PREP: variants seen among roughly 807,000 people sequenced by gnomAD.
PREP encodes prolyl endopeptidase.
PREP carries 29 observed loss-of-function variants against 87.6 expected under a neutral mutation model. The ratio of observed to expected loss-of-function variants is 0.33; its 90% confidence interval spans 0.25 to 0.45. PREP has a LOEUF of 0.45. Ranked by LOEUF, PREP falls within the 20% of genes least tolerant of loss-of-function variation. The pLI, the probability that PREP is intolerant of heterozygous loss-of-function variation, is 1.00. For missense variants in PREP, 695 were observed against 886.5 expected, an observed-to-expected ratio of 0.78 and a Z score of 2.74; for synonymous variants, 337 against 328.6, an observed-to-expected ratio of 1.03 and a Z score of -0.28.
chr6:105,329,660 G>A (rs1390710625), intron 8 of PREP, among the ~76,000 whole-genome samples: 2 of 152,134 alleles, frequency 1.3e-5, no homozygotes, highest in Non-Finnish European at 2.9e-5. Context: ...GCCAAATCAC[G>A]GTTCATGTCT....
rs77593223 is a variant in PREP, at chr6:105,389,628, A to C, written c.120+8225T>G. On this transcript the variant is annotated intron_variant, in intron 2 of 14. Coordinates refer to ENST00000652536, the MANE Select transcript of PREP (RefSeq NM_002726.5). Reference sequence around the variant, plus strand: ...CTTAGAGACATTTAACTAACCCCTCACGTACTGCAATTTCCTGGGAGCAAG... The same window carrying C: ...CTTAGAGACATTTAACTAACCCCTCCCGTACTGCAATTTCCTGGGAGCAAG... 3.2e-3 allele frequency among the ~76,000 whole-genome samples: 480 copies of C among 152,218 alleles called. 21 individuals carry two copies. In the East Asian group the frequency reaches 0.079, roughly 25 times the overall value.
intron 2 of PREP, among the ~76,000 whole-genome samples, chr6:105,389,448 C>A (rs1347339133): frequency 6.6e-6 from 1 of 152,200 alleles, no homozygotes; most frequent in Non-Finnish European, 1.5e-5. Context: ...ATCGGAAATG[C>A]CTGCCAACTC....
At chr6:105,312,819 G>A (rs149134221) in intron 10 of PREP, among the ~76,000 whole-genome samples, 62 of 152,278 alleles carry the variant, frequency 4.1e-4, no homozygotes, top group African/African-American at 1.4e-3. Context: ...ACCAGGATGG[G>A]TCATGGAGAA....
intron 5 of PREP, 42 bp downstream of exon 5, chr6:105,373,327 T>C: frequency 6.3e-7 from 1 of 1,588,544 alleles, no homozygotes; most frequent in Non-Finnish European, 8.6e-7. Flanking sequence ...AAGTCACACT[T>C]CATTTTGTGA....
intron 10 of PREP, among the ~76,000 whole-genome samples, chr6:105,307,436 C>T (rs1382519912): frequency 6.6e-6 from 1 of 152,146 alleles, no homozygotes; most frequent in Non-Finnish European, 1.5e-5. Flanking sequence ...GTTTTCCCTC[C>T]ACTGAATTGC....
intron 9 of PREP, among the ~76,000 whole-genome samples, chr6:105,325,646 T>C (rs1031211182): frequency 6.6e-6 from 1 of 152,206 alleles, no homozygotes; most frequent in Admixed American, 6.6e-5. Context: ...ATCGATACTT[T>C]CTGTTTATAG....
At chr6:105,344,694 C>T (rs549407836) in intron 7 of PREP, among the ~76,000 whole-genome samples, 7 of 138,712 alleles carry the variant, frequency 5.0e-5, no homozygotes, top group African/African-American at 1.9e-4. Flanking sequence ...GTGGGGGAGG[C>T]GGGAGGGAGA....
chr6:105,309,656 AG>A (rs1173293525), intron 10 of PREP, among the ~76,000 whole-genome samples: 1 of 152,156 alleles, frequency 6.6e-6, no homozygotes, highest in East Asian at 1.9e-4. Context: ...AAGGCCTGAG[AG>A]GTCTCACAGA....
chr6:105,374,341 C>T (rs1214422007), intron 4 of PREP, among the ~76,000 whole-genome samples: 1 of 152,114 alleles, frequency 6.6e-6, no homozygotes, highest in Admixed American at 6.5e-5. Context: ...GCATTCAATA[C>T]AACACCTCCT....
chr6:105,364,311 A>G, intron 6 of PREP, among the ~76,000 whole-genome samples: 1 of 152,246 alleles, frequency 6.6e-6, no homozygotes, highest in East Asian at 1.9e-4. Flanking sequence ...ACGGAGGGCA[A>G]CAGTGGGGAA....
At chr6:105,347,743 T>G (rs1036570243) in intron 7 of PREP, among the ~76,000 whole-genome samples, 3 of 152,158 alleles carry the variant, frequency 2.0e-5, no homozygotes, top group Non-Finnish European at 4.4e-5. Context: ...CCAGACACAG[T>G]GGCTCACACC....
intron 11 of PREP, among the ~76,000 whole-genome samples, chr6:105,288,226 G>C (rs992426150): frequency 2.6e-5 from 4 of 152,178 alleles, no homozygotes; most frequent in Non-Finnish European, 5.9e-5. Flanking sequence ...CAAACAACCT[G>C]TTACACTGAG....
In PREP at chr6:105,276,046, C is replaced by G. The variant is rs963947616; in HGVS notation, c.*2098G>C. ...TAAGAAAGAGCCAAAGGGCAGAGCA[C>G]AGGATACAGAAAAGTGGGATCAAAT... On this transcript the variant is annotated 3_prime_UTR_variant, in exon 15 of 15. Coordinates refer to ENST00000652536, the MANE Select transcript of PREP (RefSeq NM_002726.5). 2.6e-5 allele frequency among the ~76,000 whole-genome samples: 4 copies of G among 152,178 alleles called. No individual in the cohort carries two copies. The highest frequency in any genetic ancestry group is 6.5e-5 in the Admixed American group (1 of 15,280).
At chr6:105,280,789 TCTTGAACTCCTAAG>T (rs1770065266) in intron 14 of PREP, 1 of 152,192 alleles carries the variant, frequency 6.6e-6, no homozygotes, top group Non-Finnish European at 1.5e-5. Flanking sequence ...GAAGGACTGG[TCTTGAACTCCTAAG>T]CTCAAGTGAT....
chr6:105,334,466 C>G (rs1224104964), intron 7 of PREP, among the ~76,000 whole-genome samples: 3 of 152,154 alleles, frequency 2.0e-5, no homozygotes, highest in Non-Finnish European at 4.4e-5. Context: ...TGCCTGTAAT[C>G]ACAGCATTTT....
At chr6:105,362,882 C>A (rs894989586) in intron 6 of PREP, among the ~76,000 whole-genome samples, 1 of 152,128 alleles carries the variant, frequency 6.6e-6, no homozygotes, top group South Asian at 2.1e-4. Flanking sequence ...GCAGGGACCC[C>A]CCACCAGGAA....
At chr6:105,344,446 C>T (rs1369342456) in intron 7 of PREP, among the ~76,000 whole-genome samples, 6 of 148,982 alleles carry the variant, frequency 4.0e-5, no homozygotes, top group African/African-American at 7.5e-5. Context: ...AAGCCGAGAT[C>T]GTGCCACTGC....
At chr6:105,369,281 G>A (rs920236174) in intron 5 of PREP, among the ~76,000 whole-genome samples, 34 of 152,130 alleles carry the variant, frequency 2.2e-4, no homozygotes, top group African/African-American at 8.2e-4. Flanking sequence ...TCTATCTAAG[G>A]AAAACTGCAA....
At chr6:105,352,883 G>C in intron 7 of PREP, 89 bp downstream of exon 7, 1 of 1,139,530 alleles carries the variant, frequency 8.8e-7, no homozygotes, top group East Asian at 2.3e-5. Context: ...AATGGAAGAG[G>C]GTCTTGGGAA....
Sources: gnomAD v4.1 joint callset for allele counts (sites outside exome capture counted in the v4.1 genomes callset) on GRCh38, gnomAD v4.1.1 for gene constraint, MANE v1.5 for transcripts, NCBI Gene and HGNC (gene_info 2026-07-23, HGNC 2026-07-21) for gene names.